The following PRKCE variants were observed in gnomAD, a reference collection of about 807,000 sequenced individuals.
PRKCE encodes the protein protein kinase C epsilon.
In PRKCE, 16 loss-of-function variants were observed where a neutral mutation model predicts 85.4. That is an observed-to-expected ratio of 0.19 (90% CI 0.13 to 0.28). The LOEUF is 0.28. Among genes scored for constraint, PRKCE ranks in the 10% least tolerant of loss-of-function variants. The pLI, the probability that PRKCE is intolerant of heterozygous loss-of-function variation, is 1.00. For missense variants in PRKCE, 573 were observed against 975.2 expected, an observed-to-expected ratio of 0.59 and a Z score of 5.49; for synonymous variants, 388 against 371.5, an observed-to-expected ratio of 1.04 and a Z score of -0.51.
chr2:45,852,770 G>A (rs1692378218), intron 2 of PRKCE, among the ~76,000 whole-genome samples: 1 of 152,212 alleles, frequency 6.6e-6, no homozygotes, highest in Non-Finnish European at 1.5e-5. Flanking sequence ...TTTTATTTAA[G>A]TCTAAATGGA....
intron 1 of PRKCE, among the ~76,000 whole-genome samples, chr2:45,803,567 A>G (rs1688030021): frequency 6.6e-6 from 1 of 152,098 alleles, no homozygotes; most frequent in Non-Finnish European, 1.5e-5. Flanking sequence ...GAGTTAGGGG[A>G]GTGGTCACGA....
At chr2:46,029,560 A>C (rs907388879) in intron 10 of PRKCE, among the ~76,000 whole-genome samples, 1 of 152,150 alleles carries the variant, frequency 6.6e-6, no homozygotes, top group African/African-American at 2.4e-5. Flanking sequence ...TGTATCCCTC[A>C]GTCCCAGGGT....
intron 10 of PRKCE, among the ~76,000 whole-genome samples, chr2:46,030,209 G>C (rs1707419695): frequency 6.6e-6 from 1 of 152,190 alleles, no homozygotes; most frequent in Non-Finnish European, 1.5e-5. Flanking sequence ...ACATGGAGAA[G>C]ACAGCACTGG....
At chr2:45,735,952 T>G (rs922132425) in intron 1 of PRKCE, among the ~76,000 whole-genome samples, 1 of 152,210 alleles carries the variant, frequency 6.6e-6, no homozygotes, top group Non-Finnish European at 1.5e-5. Flanking sequence ...TTTTACCATC[T>G]GACATACACA....
intron 7 of PRKCE, among the ~76,000 whole-genome samples, chr2:46,003,208 C>A (rs2104742532): frequency 6.6e-6 from 1 of 152,320 alleles, no homozygotes. Context: ...GGCTTCTTTG[C>A]AGGAATATCA....
intron 14 of PRKCE, among the ~76,000 whole-genome samples, chr2:46,171,968 G>C (rs549474553): frequency 6.6e-6 from 1 of 152,226 alleles, no homozygotes; most frequent in Non-Finnish European, 1.5e-5. Context: ...CTGGTTTGGG[G>C]ATCATTCCCC....
At chr2:45,778,834 G>A (rs886198164) in intron 1 of PRKCE, among the ~76,000 whole-genome samples, 2 of 152,076 alleles carry the variant, frequency 1.3e-5, no homozygotes, top group Non-Finnish European at 2.9e-5. Context: ...TCCTGACCCC[G>A]GGACATTATT....
chr2:46,119,540 A>G (rs1007463824), intron 11 of PRKCE, among the ~76,000 whole-genome samples: 3 of 152,162 alleles, frequency 2.0e-5, no homozygotes, highest in Non-Finnish European at 4.4e-5. Flanking sequence ...CTAATTTCTA[A>G]TCTTTCTAGG....
chr2:45,855,439 C>T (rs973309693), intron 2 of PRKCE, among the ~76,000 whole-genome samples: 2 of 152,302 alleles, frequency 1.3e-5, no homozygotes, highest in East Asian at 3.9e-4. Context: ...TTTGAATGAA[C>T]CCCCAATTGT....
chr2:45,868,339 A>AAAAC lies in PRKCE; in HGVS notation c.412+25277_412+25280dup, dbSNP rs1693792675. Reference sequence around the variant, plus strand: ...CTGTCCAAAAAAAAAAAAAAAAAAAAAAACTTTTTAGGGCAGTTAGTCCAT... The same window carrying AAAAC: ...CTGTCCAAAAAAAAAAAAAAAAAAAAAAACAAACTTTTTAGGGCAGTTAGTCCAT... On this transcript the variant is annotated intron_variant, in intron 2 of 14. Transcript: ENST00000306156. Among the ~76,000 whole-genome samples the AAAAC allele has an allele frequency of 5.3e-5, 8 of 149,632 alleles. No homozygotes were observed. The South Asian group carries it at 8.5e-4, about 16-fold the overall frequency.
Position 45,917,732 on chromosome 2 carries a change from T to C in PRKCE, c.413-58697T>C, listed in dbSNP as rs548485806. 3.9e-5 allele frequency among the ~76,000 whole-genome samples: 6 copies of C among 152,274 alleles called. No homozygotes were observed. In the South Asian group the frequency reaches 1.2e-3, roughly 32 times the overall value. ...GCCGTGGAGCAGGGGGCGGCGCTCGTCGGGGAGGCTCCGGCCGCACGGGAG... is the reference window on the plus strand; with the variant it reads ...GCCGTGGAGCAGGGGGCGGCGCTCGCCGGGGAGGCTCCGGCCGCACGGGAG... On this transcript the variant is annotated intron_variant, in intron 2 of 14. Coordinates refer to ENST00000306156, the MANE Select transcript of PRKCE (RefSeq NM_005400.3).
intron 1 of PRKCE, among the ~76,000 whole-genome samples, chr2:45,737,816 G>A (rs1056594140): frequency 2.0e-5 from 3 of 152,234 alleles, no homozygotes; most frequent in East Asian, 3.9e-4. Context: ...GCTGACTTGC[G>A]TACATTGCCA....
intron 10 of PRKCE, among the ~76,000 whole-genome samples, chr2:46,036,929 G>C (rs1707900583): frequency 6.6e-6 from 1 of 152,198 alleles, no homozygotes; most frequent in African/African-American, 2.4e-5. Flanking sequence ...AAGCCTGGCT[G>C]TCCCCCATCC....
At chr2:46,146,229 T>C (rs1234810855) in intron 12 of PRKCE, among the ~76,000 whole-genome samples, 1 of 152,234 alleles carries the variant, frequency 6.6e-6, no homozygotes, top group African/African-American at 2.4e-5. Flanking sequence ...TCATAGACAA[T>C]CAAAATGATC....
At position 45,693,037 on chromosome 2, in the gene PRKCE, C is replaced by T. The variant is rs146036157; in HGVS notation, c.348+40589C>T. ...GCTGACTGAGAGATTCTGCAGGGGGCCAAGGTGGCTCAGGAGGCCTGAACT... is the reference window on the plus strand; with the variant it reads ...GCTGACTGAGAGATTCTGCAGGGGGTCAAGGTGGCTCAGGAGGCCTGAACT... On this transcript the variant is annotated intron_variant, in intron 1 of 14. Coordinates refer to ENST00000306156, the MANE Select transcript of PRKCE (RefSeq NM_005400.3). 1.8e-3 allele frequency among the ~76,000 whole-genome samples: 278 copies of T among 151,992 alleles called. 2 individuals carry two copies. The highest frequency in any genetic ancestry group is 6.6e-3 in the African/African-American group (273 of 41,414).
At chr2:46,133,798 C>T (rs1336228372) in intron 11 of PRKCE, among the ~76,000 whole-genome samples, 2 of 152,140 alleles carry the variant, frequency 1.3e-5, no homozygotes, top group Admixed American at 6.5e-5. Flanking sequence ...TGTGAGGAAA[C>T]CAATAATGCT....
At chr2:45,718,297 G>C (rs993766822) in intron 1 of PRKCE, among the ~76,000 whole-genome samples, 2 of 151,132 alleles carry the variant, frequency 1.3e-5, no homozygotes, top group East Asian at 1.9e-4. Flanking sequence ...CATGAGGAAG[G>C]CTCCAGCAAT....
intron 2 of PRKCE, among the ~76,000 whole-genome samples, chr2:45,948,464 A>G (rs2104303821): frequency 6.6e-6 from 1 of 152,106 alleles, no homozygotes; most frequent in Admixed American, 6.5e-5. Flanking sequence ...ACACACTGAG[A>G]CCCTGTCTCT....
rs397781944 is a variant in PRKCE at position 45,941,065 on chromosome 2, T to TAAAAAAAAAA, written c.413-35351_413-35342dup. On this transcript the variant is annotated intron_variant, in intron 2 of 14. Transcript: ENST00000306156. The stretch of plus-strand genomic sequence containing the variant: ...TGGGTGACAGAGTGAGACTTCATCC[T>TAAAAAAAAAA]AAAAAAAAAAAAAAAAAAAAAAGAT... Among the ~76,000 whole-genome samples the TAAAAAAAAAA allele has an allele frequency of 9.8e-4, 66 of 67,156 alleles. 6 individuals carry two copies. The East Asian group carries it at 0.022, about 22-fold the overall frequency. 44.1% of individuals were successfully genotyped at this position (67,156 alleles called of 152,430 possible).
Sources: gnomAD v4.1 joint callset for allele counts (sites outside exome capture counted in the v4.1 genomes callset) on GRCh38, gnomAD v4.1.1 for gene constraint, MANE v1.5 for transcripts, NCBI Gene and HGNC (gene_info 2026-07-23, HGNC 2026-07-21) for gene names.